Variants in KRT19 observed in about 807,000 individuals in gnomAD.
KRT19 encodes keratin 19, also known as keratin, type I cytoskeletal 19.
Under a neutral mutation model 34.6 loss-of-function variants are expected in KRT19, and 21 were observed. That is an observed-to-expected ratio of 0.61 (90% CI 0.43 to 0.87). The LOEUF (loss-of-function observed/expected upper bound fraction) is 0.87. KRT19 is among the 40% of genes least tolerant of loss of function. The pLI is 0.00. For missense variants in KRT19, 514 were observed against 545.7 expected (o/e 0.94, Z 0.58); for synonymous variants, 240 against 245.8 (o/e 0.98, Z 0.22).
At chr17:41,524,687 C>T in intron 3 of KRT19, 147 bp from the exon 4 acceptor site, 1 of 1,221,508 alleles carries the variant, frequency 8.2e-7, no homozygotes, top group Middle Eastern at 2.7e-4. Flanking sequence ...TGGGTCATCA[C>T]TGATTCCTCT....
Position 41,524,380 on chromosome 17 carries a change from C to A in KRT19, c.821G>T (p.Arg274Leu). 2.5e-6 allele frequency: 4 copies of A among 1,614,144 alleles called. No homozygotes were observed. The highest frequency in any genetic ancestry group is 3.4e-6 in the Non-Finnish European group (4 of 1,179,988). Residue 274 changes from arginine to leucine, a missense_variant and splice_region_variant, in exon 4 of 6, where the codon CGG becomes CTG. Transcript: ENST00000361566. ...RKDAEAWFTS[R>L]TEELNREVAG... is the part of the protein sequence containing the mutation. ...GGGTGCCTGCTTCCCTCTACCTACCCGGCTGGTGAACCAGGCTTCAGCATC... is the reference window on the plus strand; with the variant it reads ...GGGTGCCTGCTTCCCTCTACCTACCAGGCTGGTGAACCAGGCTTCAGCATC...
rs1272866011 is a variant in KRT19 at position 41,523,895 on chromosome 17, C to T, written c.1051G>A (p.Asp351Asn). 4 of 1,614,114 alleles carry T rather than the reference C, an allele frequency of 2.5e-6. No homozygotes were observed. Among genetic ancestry groups the T allele is most frequent in the Non-Finnish European group, 2.5e-6 (3 of 1,180,050 alleles). Residue 351 changes from aspartate (D) to asparagine (N), a missense_variant, in exon 6 of 6, where the codon GAT (aspartate) becomes AAT (asparagine). By Grantham distance (23) the Asp-to-Asn change is conservative. Coordinates refer to ENST00000361566, the MANE Select transcript of KRT19 (RefSeq NM_002276.5). ...LISGIEAQLG[D>N]VRADSERQNQ... ...TGCCGCTCACTATCAGCTCGCACAT[C>T]GCCCAGCTGGGCTTCAATACCGCTG...
chr17:41,524,200 A>G lies in KRT19; in HGVS notation c.891T>C (p.Thr297=). ...EQLQMSRSEV[T]DLRRTLQGLE... ...GACCCTGAAGGGTGCGCCGCAGGTC[A>G]GTAACCTCGGACCTGCTCATCTGGA... Residue 297 remains threonine, a synonymous_variant, in exon 5 of 6, where the codon ACT becomes ACC. Transcript: ENST00000361566. The G allele has an allele frequency of 6.2e-7, 1 of 1,614,162 alleles. No individual in the cohort carries two copies. Among genetic ancestry groups the G allele is most frequent in the Non-Finnish European group, 8.5e-7 (1 of 1,180,006 alleles).
chr17:41,526,033 G>C (rs971065748), intron 1 of KRT19, among the ~76,000 whole-genome samples: 1 of 151,178 alleles, frequency 6.6e-6, no homozygotes, highest in Non-Finnish European at 1.5e-5. Flanking sequence ...GTGCAGCGTC[G>C]CGATCTCGGC....
At position 41,528,300 on chromosome 17, in the gene KRT19, G is replaced by T; in HGVS notation, c.-53C>A. ...CCTGGTCTCAGAAGCTGCGATTCGC[G>T]GGAGGAGCGGCGAGGCCCTCACCTG... is the stretch of plus-strand genomic sequence containing the variant. On this transcript the variant is annotated 5_prime_UTR_variant, in exon 1 of 6. Transcript: ENST00000361566. 1.4e-6 allele frequency: 2 copies of T among 1,479,000 alleles called. No individual in the cohort carries two copies. Among genetic ancestry groups the T allele is most frequent in the South Asian group, 2.8e-5 (2 of 71,764 alleles). The allele number at this position is 1,479,000 out of a possible 1,614,324, so 91.6% of individuals were successfully genotyped here.
chr17:41,527,684 C>A (rs1905914367), intron 1 of KRT19, 144 bp downstream of exon 1: 2 of 850,614 alleles, frequency 2.4e-6, no homozygotes, highest in Non-Finnish European at 1.8e-6. Context: ...CGTCTCCTGT[C>A]CCCCTTTACT....
chr17:41,525,888 T>A (rs1905844837), intron 1 of KRT19, among the ~76,000 whole-genome samples: 1 of 152,208 alleles, frequency 6.6e-6, no homozygotes, highest in Non-Finnish European at 1.5e-5. Context: ...TGTTCTGTTT[T>A]TCAAAGAGCA....
chr17:41,524,716 G>T, intron 3 of KRT19, 127 bp downstream of exon 3: 1 of 1,276,774 alleles, frequency 7.8e-7, no homozygotes, highest in Non-Finnish European at 1.1e-6. Context: ...TGGGATCCAT[G>T]ATCCCACACC....
At position 41,527,984 on chromosome 17, in the gene KRT19, G is replaced by A; in HGVS notation, c.264C>T (p.Asn88=). ...TGTCCAGGTAGGAGGCCAGGCGGTCGTTGAGGTTCTGCATGGTTAGCTTCT... is the reference window on the plus strand; with the variant it reads ...TGTCCAGGTAGGAGGCCAGGCGGTCATTGAGGTTCTGCATGGTTAGCTTCT... ...GNEKLTMQNL[N]DRLASYLDKV... is the part of the protein sequence containing the mutation. The change falls in exon 1 of 6, where the codon AAC becomes AAT. Residue 88 remains asparagine (N), a synonymous_variant. Transcript: ENST00000361566. 6.2e-7 allele frequency: 1 copy of A among 1,613,682 alleles called. No individual in the cohort carries two copies. Among genetic ancestry groups the A allele is most frequent in the Non-Finnish European group, 8.5e-7 (1 of 1,179,900 alleles).
chr17:41,524,129 G>C lies in KRT19; in HGVS notation c.948+14C>G, dbSNP rs576755715. ...AATTGCACAGGGAAGCGGCGGCGGT[G>C]GGGGGACACATACCATGCTCAGCTG... On this transcript the variant is annotated intron_variant, in intron 5 of 5. Coordinates refer to ENST00000361566, the MANE Select transcript of KRT19 (RefSeq NM_002276.5). 1.7e-4 allele frequency: 265 copies of C among 1,572,212 alleles called. 1 individual carries two copies. In the African/African-American group the frequency reaches 3.3e-3, roughly 20 times the overall value.
chr17:41,524,631 C>T (rs974010452), intron 3 of KRT19, 91 bp from the exon 4 acceptor site: 3 of 1,445,068 alleles, frequency 2.1e-6, no homozygotes, highest in Non-Finnish European at 2.9e-6. Flanking sequence ...GCTAAAGGGG[C>T]TTAGTTTTCA....
At chr17:41,526,562 C>CTCT (rs1251211046) in intron 1 of KRT19, among the ~76,000 whole-genome samples, 5 of 72,190 alleles carry the variant, frequency 6.9e-5, no homozygotes, top group Non-Finnish European at 1.2e-4. Context: ...AAGCTAATTC[C>CTCT]TTTTTTTTTT....
Position 41,523,812 on chromosome 17 carries a change from G to A in KRT19, c.1134C>T (p.Ala378=). Residue 378 remains alanine (A), a synonymous_variant, in exon 6 of 6, where the codon GCC becomes GCT. Transcript: ENST00000361566. ...GTCCCTCGAGCAGGCTGCGGTAGGTGGCAATCTCCTGCTCCAGCCGCGACT... is the reference window on the plus strand; with the variant it reads ...GTCCCTCGAGCAGGCTGCGGTAGGTAGCAATCTCCTGCTCCAGCCGCGACT... The part of the protein sequence containing the change: ...DIKSRLEQEI[A]TYRSLLEGQE... 5 of 1,613,874 alleles carry A rather than the reference G, an allele frequency of 3.1e-6. No homozygotes were observed. The highest frequency in any genetic ancestry group is 4.2e-6 in the Non-Finnish European group (5 of 1,179,954).
chr17:41,523,720 C>A lies in KRT19; in HGVS notation c.*23G>T. Reference sequence around the variant, plus strand: ...CCAGAAGACACCCTCCAAAGGACAGCAGAAGCCCCAGAGCCTGCTGCCTCA... The same window carrying A: ...CCAGAAGACACCCTCCAAAGGACAGAAGAAGCCCCAGAGCCTGCTGCCTCA... On this transcript the variant is annotated 3_prime_UTR_variant, in exon 6 of 6. Coordinates refer to ENST00000361566, the MANE Select transcript of KRT19 (RefSeq NM_002276.5). 1 of 1,611,600 alleles carries A rather than the reference C, an allele frequency of 6.2e-7. No individual in the cohort carries two copies. Among genetic ancestry groups the A allele is most frequent in the Non-Finnish European group, 8.5e-7 (1 of 1,178,162 alleles).
In KRT19 at chr17:41,523,654, A is replaced by G; in HGVS notation, c.*89T>C. ...TAAATTTTTATTGGCAGGTCAGGAGAAGAGCCGGGGGTAAGGGTCCCTTCC... is the reference window on the plus strand; with the variant it reads ...TAAATTTTTATTGGCAGGTCAGGAGGAGAGCCGGGGGTAAGGGTCCCTTCC... On this transcript the variant is annotated 3_prime_UTR_variant, in exon 6 of 6. Coordinates refer to ENST00000361566, the MANE Select transcript of KRT19 (RefSeq NM_002276.5). 7.4e-7 allele frequency: 1 copy of G among 1,351,768 alleles called. No homozygotes were observed. 83.7% of individuals were successfully genotyped at this position (1,351,768 alleles called of 1,614,324 possible).
chr17:41,525,383 G>A lies in KRT19; in HGVS notation c.421-110C>T, dbSNP rs1905828155. On this transcript the variant is annotated intron_variant, in intron 1 of 5. Transcript: ENST00000361566. The stretch of plus-strand genomic sequence containing the variant: ...AATGAATATACCCCGGCACCCTAGA[G>A]ACCAAAGCCCTAGCCAGCATCTGCC... 52 of 842,626 alleles carry A rather than the reference G, an allele frequency of 6.2e-5. No homozygotes were observed. In the South Asian group the frequency reaches 6.9e-4, roughly 11 times the overall value. 52.2% of individuals were successfully genotyped at this position (842,626 alleles called of 1,614,324 possible).
chr17:41,527,816 G>A lies in KRT19; in HGVS notation c.420+12C>T. On this transcript the variant is annotated intron_variant, in intron 1 of 5. Coordinates refer to ENST00000361566, the MANE Select transcript of KRT19 (RefSeq NM_002276.5). ...GGTGCACTGCACTTCCCGCGGCCGG[G>A]CCTCCGCCCACCTTGTCCCGCAGGT... 6.4e-7 allele frequency: 1 copy of A among 1,558,510 alleles called. No individual in the cohort carries two copies.
At position 41,524,936 on chromosome 17, in the gene KRT19, C is replaced by A; in HGVS notation, c.567G>T (p.Val189=). The part of the protein sequence containing the change: ...VEADINGLRR[V]LDELTLARTD... Reference sequence around the variant, plus strand: ...TCCTGGCCAGGGTCAGCTCATCCAGCACCCTGCGCAGGCCGTTGATGTCGG... The same window carrying A: ...TCCTGGCCAGGGTCAGCTCATCCAGAACCCTGCGCAGGCCGTTGATGTCGG... Residue 189 remains valine, a synonymous_variant, in exon 3 of 6, where the codon GTG becomes GTT. Coordinates refer to ENST00000361566, the MANE Select transcript of KRT19 (RefSeq NM_002276.5). 3 of 1,614,228 alleles carry A rather than the reference C, an allele frequency of 1.9e-6. No homozygotes were observed. Among genetic ancestry groups the A allele is most frequent in the Non-Finnish European group, 2.5e-6 (3 of 1,180,010 alleles).
At position 41,523,617 on chromosome 17, in the gene KRT19, T is replaced by G; in HGVS notation, c.*126A>C. The G allele has an allele frequency of 1.1e-6, 1 of 914,918 alleles. No homozygotes were observed. The highest frequency in any genetic ancestry group is 2.6e-5 in the East Asian group (1 of 38,956). The allele number at this position is 914,918 out of a possible 1,614,324, so 56.7% of individuals were successfully genotyped here. A position where few individuals can be genotyped will look rare whatever the true frequency, so the allele number is the denominator to read the frequency against. On this transcript the variant is annotated 3_prime_UTR_variant, in exon 6 of 6. Coordinates refer to ENST00000361566, the MANE Select transcript of KRT19 (RefSeq NM_002276.5). ...GAAATAATAAACCAAACGTCCTTCC[T>G]CCCTTGGACCATAAATTTTTATTGG...
Sources: allele counts gnomAD v4.1 joint callset (sites outside exome capture counted in the v4.1 genomes callset), GRCh38; gene constraint gnomAD v4.1.1; transcripts MANE v1.5; gene names NCBI Gene and HGNC (gene_info 2026-07-23, HGNC 2026-07-21).